The following GMDS variants were observed in gnomAD, a reference collection of about 807,000 sequenced individuals.
GMDS encodes GDP-mannose 4,6-dehydratase, also known as GDP-mannose 4,6 dehydratase.
A neutral mutation model predicts 49.9 loss-of-function variants in GMDS; 20 were observed. The ratio of observed to expected loss-of-function variants is 0.40; its 90% CI spans 0.28 to 0.58. The LOEUF (loss-of-function observed/expected upper bound fraction) is 0.58, where lower values mean the gene tolerates loss of function less well. Among genes scored for constraint, GMDS ranks in the 20% least tolerant of loss-of-function variants. GMDS has a pLI of 0.42. For synonymous variants in GMDS, 177 were observed against 178.6 expected, an observed-to-expected ratio of 0.99 and a Z score of 0.07; for missense variants, 362 against 481.4, an observed-to-expected ratio of 0.75 and a Z score of 2.32.
At chr6:1,775,202 G>A (rs2318089) in intron 7 of GMDS, among the ~76,000 whole-genome samples, 38,699 of 152,102 alleles carry the variant, frequency 0.25, 5,663 homozygotes, top group South Asian at 0.43. Context: ...GACAACCTTG[G>A]TAAGACCCCA....
At chr6:1,827,452 C>A (rs10458054) in intron 7 of GMDS, among the ~76,000 whole-genome samples, 1 of 29,746 alleles carries the variant, frequency 3.4e-5, no homozygotes. Flanking sequence ...TATATACACA[C>A]GTTTTGGAAA....
intron 1 of GMDS, among the ~76,000 whole-genome samples, chr6:2,228,576 C>T (rs1232453225): frequency 6.6e-6 from 1 of 152,180 alleles, no homozygotes; most frequent in African/African-American, 2.4e-5. Context: ...AAGAACTGAT[C>T]CAAAGTGTGT....
At chr6:2,186,580 T>C (rs1242176200) in intron 1 of GMDS, among the ~76,000 whole-genome samples, 1 of 152,246 alleles carries the variant, frequency 6.6e-6, no homozygotes, top group Non-Finnish European at 1.5e-5. Flanking sequence ...TTCATCTCTG[T>C]ATTTGATGTC....
At chr6:1,737,825 G>GACAC (rs1767079643) in intron 8 of GMDS, among the ~76,000 whole-genome samples, 1 of 30,656 alleles carries the variant, frequency 3.3e-5, no homozygotes, top group South Asian at 2.0e-3. Context: ...ACACCACAAA[G>GACAC]ACACACCACA....
At chr6:2,002,526 G>A (rs1000434094) in intron 4 of GMDS, among the ~76,000 whole-genome samples, 4 of 152,202 alleles carry the variant, frequency 2.6e-5, no homozygotes, top group African/African-American at 9.7e-5. Flanking sequence ...TGAAGTTGAG[G>A]AGTTCTTTCA....
At chr6:1,644,884 G>A (rs1763438895) in intron 9 of GMDS, among the ~76,000 whole-genome samples, 1 of 151,928 alleles carries the variant, frequency 6.6e-6, no homozygotes, top group South Asian at 2.1e-4. Context: ...CCAGAGTCAC[G>A]AGGTTAGGAA....
chr6:1,726,383 T>A (rs765240626), intron 9 of GMDS, 33 bp downstream of exon 9: 11 of 1,431,878 alleles, frequency 7.7e-6, no homozygotes, highest in Non-Finnish European at 1.1e-5. Context: ...CAGCCAAATG[T>A]GGCCACGCAC....
At chr6:2,221,387 CTT>C (rs11302115) in intron 1 of GMDS, among the ~76,000 whole-genome samples, 1 of 144,504 alleles carries the variant, frequency 6.9e-6, no homozygotes. Context: ...CTAAAATGTT[CTT>C]TTTTTTTTTG....
In GMDS at chr6:1,640,513, A is replaced by G. The variant is rs1025426232; in HGVS notation, c.988-15973T>C. Among the ~76,000 whole-genome samples, 1 of 152,158 alleles carries G rather than the reference A, an allele frequency of 6.6e-6. No homozygotes were observed. The highest frequency in any genetic ancestry group is 2.4e-5 in the African/African-American group (1 of 41,434). ...TTGAACCTCCCTGACCTCTCTGCTG[A>G]GCGGCTCTCTGAGGCTATCCCATGC... On this transcript the variant is annotated intron_variant, in intron 9 of 10. Transcript: ENST00000380815. This position sits in a 1 kb window ranked among gnomAD's most constrained non-coding sequence, Gnocchi z 4.0.
chr6:1,839,918 G>A (rs929767440), intron 7 of GMDS, among the ~76,000 whole-genome samples: 2 of 152,168 alleles, frequency 1.3e-5, no homozygotes, highest in African/African-American at 2.4e-5. Context: ...GCTCGCAATC[G>A]TGAAAGGAAT....
chr6:2,106,075 T>C (rs11968679), intron 4 of GMDS, among the ~76,000 whole-genome samples: 2,932 of 152,336 alleles, frequency 0.019, 110 homozygotes, highest in African/African-American at 0.066. Context: ...GATTACACTT[T>C]AAATTAACAT....
intron 9 of GMDS, chr6:1,624,743 CGGACCCGTGA>C (rs1417926913): frequency 8.7e-6 from 4 of 459,888 alleles, no homozygotes; most frequent in African/African-American, 2.1e-5. Context: ...ATGTGCTGTG[CGGACCCGTGA>C]GGACCGTGAC....
chr6:2,160,138 A>G (rs1341946140), intron 1 of GMDS, among the ~76,000 whole-genome samples: 1 of 152,212 alleles, frequency 6.6e-6, no homozygotes, highest in Non-Finnish European at 1.5e-5. Flanking sequence ...CTCCCCCATT[A>G]AAGAAAAGTA....
chr6:2,165,474 T>C (rs1777618251), intron 1 of GMDS, among the ~76,000 whole-genome samples: 1 of 152,232 alleles, frequency 6.6e-6, no homozygotes, highest in African/African-American at 2.4e-5. Flanking sequence ...TTTTGTTCCA[T>C]TCAGCCTTTC....
At chr6:1,795,202 A>C (rs1160491163) in intron 7 of GMDS, among the ~76,000 whole-genome samples, 1 of 151,998 alleles carries the variant, frequency 6.6e-6, no homozygotes, top group Non-Finnish European at 1.5e-5. Context: ...TCCGTCTCAA[A>C]AATAATAACA....
intron 4 of GMDS, among the ~76,000 whole-genome samples, chr6:2,081,112 G>A (rs1017836698): frequency 1.3e-4 from 20 of 151,992 alleles, no homozygotes; most frequent in South Asian, 6.2e-4. Flanking sequence ...GTTAGTAAAC[G>A]TAAAATGTCA....
At chr6:1,857,055 T>C (rs1757968768) in intron 7 of GMDS, among the ~76,000 whole-genome samples, 1 of 152,260 alleles carries the variant, frequency 6.6e-6, no homozygotes, top group African/African-American at 2.4e-5. Flanking sequence ...AAGAGTTCCC[T>C]GTGCTTTCCA....
At chr6:2,217,743 G>A (rs1405759875) in intron 1 of GMDS, among the ~76,000 whole-genome samples, 1 of 152,046 alleles carries the variant, frequency 6.6e-6, no homozygotes, top group East Asian at 1.9e-4. Context: ...GAACTATCAG[G>A]GCACTTTAAT....
At chr6:2,192,002 C>T (rs373337009) in intron 1 of GMDS, among the ~76,000 whole-genome samples, 3 of 152,302 alleles carry the variant, frequency 2.0e-5, no homozygotes, top group Non-Finnish European at 2.9e-5. Context: ...CCCATAAAAG[C>T]CCCGGGCTCA....
Sources: allele counts gnomAD v4.1 joint callset (sites outside exome capture counted in the v4.1 genomes callset), GRCh38; gene constraint gnomAD v4.1.1; non-coding constraint Gnocchi (gnomAD v3.1); transcripts MANE v1.5; gene names NCBI Gene and HGNC (gene_info 2026-07-23, HGNC 2026-07-21).